SGCZ: variants seen among roughly 807,000 people sequenced by gnomAD.
SGCZ encodes the protein sarcoglycan zeta.
Under a neutral mutation model 41.3 loss-of-function variants are expected in SGCZ, and 40 were observed. The ratio of observed to expected loss-of-function variants is 0.97; its 90% CI spans 0.75 to 1.26. The LOEUF (loss-of-function observed/expected upper bound fraction) is 1.26, where lower values mean the gene tolerates loss of function less well. SGCZ is among the 50% of genes most tolerant of loss of function. The pLI, the probability that SGCZ is intolerant of heterozygous loss-of-function variation, is 0.00. For synonymous variants in SGCZ, 206 were observed against 137.5 expected (o/e 1.50, Z -3.49); for missense variants, 552 against 369.8 (o/e 1.49, Z -4.04).
At chr8:14,136,785 T>C (rs1351006235) in intron 5 of SGCZ, among the ~76,000 whole-genome samples, 1 of 152,080 alleles carries the variant, frequency 6.6e-6, no homozygotes, top group Non-Finnish European at 1.5e-5. Flanking sequence ...TCTGACAGCT[T>C]TGAAAAGAGC....
At chr8:14,344,872 C>G (rs546395590) in intron 2 of SGCZ, among the ~76,000 whole-genome samples, 1 of 151,586 alleles carries the variant, frequency 6.6e-6, no homozygotes, top group Admixed American at 6.6e-5. Context: ...TAGGAGAGAA[C>G]GTGAAGTAAT....
chr8:14,465,411 A>T (rs1801021019), intron 2 of SGCZ, among the ~76,000 whole-genome samples: 1 of 151,626 alleles, frequency 6.6e-6, no homozygotes, highest in Non-Finnish European at 1.5e-5. Context: ...ATTATTTTCC[A>T]CCTTTCACTT....
chr8:15,035,174 G>A (rs1480926739), intron 1 of SGCZ, among the ~76,000 whole-genome samples: 1 of 152,036 alleles, frequency 6.6e-6, no homozygotes, highest in Non-Finnish European at 1.5e-5. Context: ...ACAATATAAA[G>A]AGGTGTCAAC....
intron 1 of SGCZ, among the ~76,000 whole-genome samples, chr8:14,602,509 A>T (rs1341699638): frequency 6.6e-6 from 1 of 152,100 alleles, no homozygotes; most frequent in Non-Finnish European, 1.5e-5. Flanking sequence ...ACATAGTGAG[A>T]TCCTCTCTCT....
At chr8:15,206,297 G>A (rs1415536240) in intron 1 of SGCZ, among the ~76,000 whole-genome samples, 1 of 152,114 alleles carries the variant, frequency 6.6e-6, no homozygotes, top group Non-Finnish European at 1.5e-5. Flanking sequence ...AGGCTGAGTT[G>A]GTTGTGAGCA....
chr8:14,684,572 T>C (rs1423058077), intron 1 of SGCZ, among the ~76,000 whole-genome samples: 1 of 152,148 alleles, frequency 6.6e-6, no homozygotes, highest in South Asian at 2.1e-4. Context: ...TGTAGCAGAT[T>C]AAAAATACCT....
chr8:14,896,522 G>C (rs1038495858), intron 1 of SGCZ, among the ~76,000 whole-genome samples: 1 of 152,032 alleles, frequency 6.6e-6, no homozygotes, highest in Non-Finnish European at 1.5e-5. Flanking sequence ...TGTCATCCAA[G>C]CTTGAGTGCA....
intron 2 of SGCZ, among the ~76,000 whole-genome samples, chr8:14,420,968 G>A (rs565344241): frequency 6.6e-6 from 1 of 152,076 alleles, no homozygotes; most frequent in Non-Finnish European, 1.5e-5. Context: ...TCTTTAGAGA[G>A]GGATCACACT....
intron 1 of SGCZ, among the ~76,000 whole-genome samples, chr8:14,768,635 C>T (rs903862554): frequency 3.9e-5 from 6 of 152,150 alleles, no homozygotes; most frequent in African/African-American, 1.4e-4. Context: ...CAGAACTAAG[C>T]TGCACGTAGT....
At chr8:14,436,640 G>C (rs760636118) in intron 2 of SGCZ, among the ~76,000 whole-genome samples, 1 of 152,202 alleles carries the variant, frequency 6.6e-6, no homozygotes, top group Non-Finnish European at 1.5e-5. Context: ...TTCACTGTTA[G>C]GATCCTGCAA....
chr8:14,494,166 C>T (rs968470407), intron 2 of SGCZ, among the ~76,000 whole-genome samples: 1 of 152,112 alleles, frequency 6.6e-6, no homozygotes, highest in Non-Finnish European at 1.5e-5. Context: ...ATCTGATAAA[C>T]AACACAGAAA....
At chr8:15,237,501 G>C (rs1802173640) in intron 1 of SGCZ, 84 bp downstream of exon 1, 1 of 1,489,834 alleles carries the variant, frequency 6.7e-7, no homozygotes, top group Admixed American at 1.9e-5. Flanking sequence ...ACTACTCCGC[G>C]CCGCTGGAGG....
chr8:14,505,748 T>C (rs1802286224), intron 2 of SGCZ, among the ~76,000 whole-genome samples: 1 of 152,154 alleles, frequency 6.6e-6, no homozygotes, highest in Admixed American at 6.6e-5. Context: ...ACCCTTAGTA[T>C]TTCCAGACAA....
intron 5 of SGCZ, among the ~76,000 whole-genome samples, chr8:14,138,330 TAAC>T (rs1033264169): frequency 1.3e-5 from 2 of 152,060 alleles, no homozygotes; most frequent in Non-Finnish European, 2.9e-5. Context: ...AAACATAACA[TAAC>T]AATATTAACC....
chr8:14,626,902 TA>T (rs1806478991), intron 1 of SGCZ, among the ~76,000 whole-genome samples: 1 of 152,156 alleles, frequency 6.6e-6, no homozygotes, highest in Non-Finnish European at 1.5e-5. Context: ...AACTGGCTCA[TA>T]TTTATCTGTA....
chr8:14,276,427 T>C (rs781726917), intron 3 of SGCZ, among the ~76,000 whole-genome samples: 6 of 152,178 alleles, frequency 3.9e-5, no homozygotes, highest in African/African-American at 7.2e-5. Flanking sequence ...CGATTGTTAA[T>C]TTATGTCCCG....
At chr8:14,129,684 A>G (rs1802975740) in intron 5 of SGCZ, among the ~76,000 whole-genome samples, 1 of 152,060 alleles carries the variant, frequency 6.6e-6, no homozygotes, top group Non-Finnish European at 1.5e-5. Flanking sequence ...GTGTTTCTAT[A>G]CGTCATTAAA....
At chr8:14,778,133 G>A (rs1021407179) in intron 1 of SGCZ, among the ~76,000 whole-genome samples, 3 of 151,946 alleles carry the variant, frequency 2.0e-5, no homozygotes, top group Non-Finnish European at 4.4e-5. Flanking sequence ...TCAACTGATT[G>A]TCCCGGCTAG....
At chr8:14,534,599 C>T (rs950040734) in intron 2 of SGCZ, among the ~76,000 whole-genome samples, 5 of 151,830 alleles carry the variant, frequency 3.3e-5, no homozygotes, top group African/African-American at 7.3e-5. Flanking sequence ...GACAGGAGAC[C>T]GTTGAGCAAA....
Sources: allele counts gnomAD v4.1 joint callset (sites outside exome capture counted in the v4.1 genomes callset), GRCh38; gene constraint gnomAD v4.1.1; transcripts MANE v1.5; gene names NCBI Gene and HGNC (gene_info 2026-07-23, HGNC 2026-07-21).